The following NKAIN2 variants were observed in gnomAD, a reference collection of about 807,000 sequenced individuals.
NKAIN2 encodes the protein sodium/potassium-transporting ATPase subunit beta-1-interacting protein 2.
NKAIN2 carries 14 observed loss-of-function variants against 32.6 expected under a neutral mutation model. That is an observed-to-expected ratio of 0.43 (90% CI 0.28 to 0.67). NKAIN2 has a LOEUF of 0.67. Ranked by LOEUF, NKAIN2 falls within the 30% of genes least tolerant of loss-of-function variation. The pLI is 0.17. For missense variants in NKAIN2, 198 were observed against 258.3 expected, an observed-to-expected ratio of 0.77 and a Z score of 1.60; for synonymous variants, 80 against 87.2, an observed-to-expected ratio of 0.92 and a Z score of 0.46.
intron 1 of NKAIN2, among the ~76,000 whole-genome samples, chr6:123,980,948 C>T (rs970632309): frequency 2.6e-5 from 4 of 151,574 alleles, no homozygotes; most frequent in Non-Finnish European, 4.4e-5. Flanking sequence ...CTGCTCACTG[C>T]AACCTCCACC....
chr6:124,411,802 G>A (rs370707954), intron 3 of NKAIN2, among the ~76,000 whole-genome samples: 6 of 152,102 alleles, frequency 3.9e-5, no homozygotes, highest in Non-Finnish European at 5.9e-5. Context: ...CATTCTCTCC[G>A]TCACTTTCAG....
chr6:123,935,129 T>C (rs1237192310), intron 1 of NKAIN2, among the ~76,000 whole-genome samples: 4 of 147,542 alleles, frequency 2.7e-5, no homozygotes, highest in Non-Finnish European at 4.5e-5. Flanking sequence ...ATATGTTAAA[T>C]ATATATTTAT....
chr6:124,350,101 G>C (rs181623592), intron 2 of NKAIN2, among the ~76,000 whole-genome samples: 10 of 152,256 alleles, frequency 6.6e-5, no homozygotes, highest in Non-Finnish European at 1.3e-4. Flanking sequence ...TACAAGTTAG[G>C]TGGTATCTAG....
chr6:124,087,738 C>T (rs1441307586), intron 1 of NKAIN2, among the ~76,000 whole-genome samples: 1 of 151,908 alleles, frequency 6.6e-6, no homozygotes. Flanking sequence ...AAAAGTACCA[C>T]ATAAACATGT....
chr6:124,564,157 G>A (rs960384241), intron 3 of NKAIN2, among the ~76,000 whole-genome samples: 3 of 152,164 alleles, frequency 2.0e-5, no homozygotes, highest in African/African-American at 7.2e-5. Context: ...GGGACTTGGA[G>A]AACTTTTCTG....
At chr6:124,759,646 CA>C (rs1562367764) in intron 4 of NKAIN2, among the ~76,000 whole-genome samples, 32 of 109,608 alleles carry the variant, frequency 2.9e-4, no homozygotes, top group African/African-American at 7.2e-4. Flanking sequence ...CACACACACA[CA>C]CACACACACC....
At chr6:124,361,077 A>G (rs1284689070) in intron 3 of NKAIN2, among the ~76,000 whole-genome samples, 1 of 152,202 alleles carries the variant, frequency 6.6e-6, no homozygotes, top group African/African-American at 2.4e-5. Flanking sequence ...TTTTCAACAC[A>G]GAAGAGATAT....
chr6:124,626,683 A>C (rs1783361592), intron 3 of NKAIN2, among the ~76,000 whole-genome samples: 1 of 152,154 alleles, frequency 6.6e-6, no homozygotes, highest in Non-Finnish European at 1.5e-5. Flanking sequence ...GTATTTTAAA[A>C]GTGTGCTAGA....
chr6:124,756,546 G>C (rs1334536759), intron 4 of NKAIN2, among the ~76,000 whole-genome samples: 1 of 152,078 alleles, frequency 6.6e-6, no homozygotes, highest in East Asian at 1.9e-4. Context: ...CTGTAATCCA[G>C]AACTTTGGGA....
At chr6:123,937,170 G>A (rs987738184) in intron 1 of NKAIN2, among the ~76,000 whole-genome samples, 5 of 152,080 alleles carry the variant, frequency 3.3e-5, no homozygotes, top group Non-Finnish European at 7.4e-5. Flanking sequence ...AGGTATATGA[G>A]CCTTAAGAAG....
At chr6:124,049,394 A>T (rs542116293) in intron 1 of NKAIN2, among the ~76,000 whole-genome samples, 3 of 152,114 alleles carry the variant, frequency 2.0e-5, no homozygotes, top group Non-Finnish European at 4.4e-5. Flanking sequence ...TGTGTATATC[A>T]TCCAGATCTC....
At chr6:124,397,183 ATT>A (rs1402747476) in intron 3 of NKAIN2, among the ~76,000 whole-genome samples, 2 of 152,042 alleles carry the variant, frequency 1.3e-5, no homozygotes, top group Non-Finnish European at 2.9e-5. Flanking sequence ...TGGTTTTAAC[ATT>A]TATAGTGTAG....
chr6:124,070,709 A>C (rs1783419223), intron 1 of NKAIN2, among the ~76,000 whole-genome samples: 3 of 152,168 alleles, frequency 2.0e-5, no homozygotes, highest in Admixed American at 2.0e-4. Context: ...AGTTTCATGC[A>C]ATTTCTATCA....
In NKAIN2 at chr6:124,680,169, G is replaced by A. The variant is rs9491212; in HGVS notation, c.474+21783G>A. ...ACCTAAGGAAGAACCAAAACTTGAC[G>A]GCTATTTGAATATGGGACCTTAAGA... On this transcript the variant is annotated intron_variant, in intron 4 of 6. Coordinates refer to ENST00000368417, the MANE Select transcript of NKAIN2 (RefSeq NM_001040214.3). Among the ~76,000 whole-genome samples the A allele has an allele frequency of 8.4e-3, 1,285 of 152,080 alleles. 19 individuals carry two copies. Among genetic ancestry groups the A allele is most frequent in the African/African-American group, 0.03 (1,232 of 41,466 alleles).
intron 4 of NKAIN2, among the ~76,000 whole-genome samples, chr6:124,786,885 C>G (rs1395234691): frequency 6.6e-6 from 1 of 152,090 alleles, no homozygotes; most frequent in African/African-American, 2.4e-5. Context: ...CATATCTACT[C>G]TAACAACATG....
At chr6:123,990,061 C>A (rs963937974) in intron 1 of NKAIN2, among the ~76,000 whole-genome samples, 9 of 152,226 alleles carry the variant, frequency 5.9e-5, no homozygotes, top group South Asian at 2.1e-4. Context: ...GTACTTTCTT[C>A]ACAGAATGGC....
intron 1 of NKAIN2, among the ~76,000 whole-genome samples, chr6:124,262,727 C>T (rs17557526): frequency 0.072 from 10,970 of 152,086 alleles, 423 homozygotes; most frequent in Middle Eastern, 0.096. Context: ...TTAGAAAGGT[C>T]ATTTTGGTGA....
intron 1 of NKAIN2, among the ~76,000 whole-genome samples, chr6:124,038,581 C>A (rs749838954): frequency 5.3e-5 from 8 of 151,970 alleles, no homozygotes; most frequent in Non-Finnish European, 1.2e-4. Context: ...TGGAACTGGA[C>A]ATTTAAACTG....
chr6:124,706,946 T>G (rs1306249340), intron 4 of NKAIN2, among the ~76,000 whole-genome samples: 18 of 151,854 alleles, frequency 1.2e-4, no homozygotes, highest in Admixed American at 1.2e-3. Flanking sequence ...ACCCACTAAC[T>G]CGTCATCTAG....
Sources: gnomAD v4.1 joint callset for allele counts (sites outside exome capture counted in the v4.1 genomes callset) on GRCh38, gnomAD v4.1.1 for gene constraint, MANE v1.5 for transcripts, NCBI Gene and HGNC (gene_info 2026-07-23, HGNC 2026-07-21) for gene names.